Variants in MAPK8 observed in about 807,000 individuals in gnomAD.
The protein encoded by MAPK8 is JUN N-terminal kinase.
In MAPK8, 13 loss-of-function variants were observed where a neutral mutation model predicts 52.9. That is an observed-to-expected ratio of 0.25 (90% CI 0.16 to 0.39). MAPK8 has a LOEUF of 0.39. Ranked by LOEUF, MAPK8 falls within the 10% of genes least tolerant of loss-of-function variation. The pLI is 1.00. For synonymous variants in MAPK8, 191 were observed against 169.8 expected (o/e 1.12, Z -0.97); for missense variants, 300 against 519.2 (o/e 0.58, Z 4.10).
In MAPK8 at chr10:48,382,902, A is replaced by ATG. The variant is rs1383221343; in HGVS notation, c.-49-18706_-49-18705dup. On this transcript the variant is annotated intron_variant, in intron 1 of 11. Coordinates refer to ENST00000374189, the MANE Select transcript of MAPK8 (RefSeq NM_001323329.2). ...GCTAGCTATGTGTATATATATAGCT[A>ATG]TGTGTATATATATATATGTATATAT... Among the ~76,000 whole-genome samples, 208 of 137,448 alleles carry ATG rather than the reference A, an allele frequency of 1.5e-3. 2 individuals are homozygous for ATG. Among genetic ancestry groups the ATG allele is most frequent in the African/African-American group, 3.9e-3 (149 of 38,106 alleles). The allele number at this position is 137,448 out of a possible 152,430, so 90.2% of individuals were successfully genotyped here.
intron 5 of MAPK8, among the ~76,000 whole-genome samples, chr10:48,415,940 G>A (rs1005347750): frequency 1.3e-5 from 2 of 152,202 alleles, no homozygotes; most frequent in African/African-American, 4.8e-5. Context: ...GAGCTAATGA[G>A]ATCTACTGGG....
At chr10:48,307,585 A>G (rs1841518077) in intron 1 of MAPK8, among the ~76,000 whole-genome samples, 1 of 152,298 alleles carries the variant, frequency 6.6e-6, no homozygotes, top group South Asian at 2.1e-4. Context: ...AGTCCATTTT[A>G]AAGTACCCTG....
intron 1 of MAPK8, among the ~76,000 whole-genome samples, chr10:48,340,505 A>G (rs187130776): frequency 1.3e-5 from 2 of 152,164 alleles, no homozygotes; most frequent in Admixed American, 1.3e-4. Flanking sequence ...GTACCCATGT[A>G]ACAAACCTGC....
At chr10:48,422,445 T>G (rs1738290809) in intron 6 of MAPK8, among the ~76,000 whole-genome samples, 1 of 152,218 alleles carries the variant, frequency 6.6e-6, no homozygotes, top group Non-Finnish European at 1.5e-5. Context: ...GACTAAGCAG[T>G]TAGTTTACAG....
At chr10:48,322,392 T>C (rs1272394715) in intron 1 of MAPK8, among the ~76,000 whole-genome samples, 1 of 152,140 alleles carries the variant, frequency 6.6e-6, no homozygotes, top group Non-Finnish European at 1.5e-5. Context: ...GAAAATTATA[T>C]AGATAATTTA....
In MAPK8 at chr10:48,370,233, A is replaced by C. The variant is rs150279953; in HGVS notation, c.-49-31379A>C. On this transcript the variant is annotated intron_variant, in intron 1 of 11. Coordinates refer to ENST00000374189, the MANE Select transcript of MAPK8 (RefSeq NM_001323329.2). ...TTTTCTCTAGGAAGAGGTTGGGATT[A>C]TTTACAAATAAGGTAAAGTCGAAGA... Among the ~76,000 whole-genome samples, 424 of 152,240 alleles carry C rather than the reference A, an allele frequency of 2.8e-3. 1 individual carries two copies. The highest frequency in any genetic ancestry group is 9.4e-3 in the African/African-American group (390 of 41,534).
chr10:48,403,910 G>A (rs948246073), intron 2 of MAPK8, among the ~76,000 whole-genome samples: 9 of 107,674 alleles, frequency 8.4e-5, no homozygotes, highest in African/African-American at 3.2e-4. Context: ...CACCACGCCC[G>A]GCTAATTTGT....
chr10:48,414,295 G>A (rs968314109), intron 5 of MAPK8, among the ~76,000 whole-genome samples: 2 of 151,932 alleles, frequency 1.3e-5, no homozygotes, highest in African/African-American at 4.8e-5. Context: ...TAGATATATT[G>A]TTTATCCATT....
chr10:48,395,738 C>T (rs552881847), intron 1 of MAPK8, among the ~76,000 whole-genome samples: 2 of 152,000 alleles, frequency 1.3e-5, no homozygotes, highest in South Asian at 2.1e-4. Flanking sequence ...CTAACTAAGA[C>T]GTAACATACA....
intron 1 of MAPK8, among the ~76,000 whole-genome samples, chr10:48,337,150 A>G (rs538543235): frequency 4.6e-5 from 7 of 152,162 alleles, no homozygotes; most frequent in Non-Finnish European, 8.8e-5. Flanking sequence ...TACCCTACCC[A>G]ACAACCACAG....
intron 1 of MAPK8, among the ~76,000 whole-genome samples, chr10:48,393,722 G>C (rs2041746484): frequency 6.6e-6 from 1 of 151,976 alleles, no homozygotes; most frequent in Admixed American, 6.6e-5. Flanking sequence ...ATGCTTAAAT[G>C]CTTATATTAT....
At chr10:48,353,862 A>T (rs895841256) in intron 1 of MAPK8, among the ~76,000 whole-genome samples, 12 of 152,172 alleles carry the variant, frequency 7.9e-5, no homozygotes, top group Non-Finnish European at 1.6e-4. Context: ...GTTGCCAGGG[A>T]TTAGGGATGG....
chr10:48,427,080 C>T lies in MAPK8; in HGVS notation c.997C>T (p.Pro333Ser). Residue 333 changes from proline to serine, a missense_variant and splice_region_variant, in exon 10 of 12, where the codon CCA becomes TCA. Transcript: ENST00000374189. ...VWYDPSEAEA[P>S]PPKIPDKQLD... Reference sequence around the variant, plus strand: ...GTTATTATTGCCTTGTGTTTTTCAGCCACCACCAAAGATCCCTGACAAGCA... The same window carrying T: ...GTTATTATTGCCTTGTGTTTTTCAGTCACCACCAAAGATCCCTGACAAGCA... The T allele has an allele frequency of 6.2e-7, 1 of 1,611,912 alleles. No homozygotes were observed. The highest frequency in any genetic ancestry group is 8.5e-7 in the Non-Finnish European group (1 of 1,178,538).
chr10:48,404,726 A>T (rs1402857043), intron 2 of MAPK8, 126 bp from the exon 3 acceptor site: 2 of 666,420 alleles, frequency 3.0e-6, no homozygotes, highest in African/African-American at 3.6e-5. Context: ...TGAGCGTCAT[A>T]GACTTGGAAG....
chr10:48,432,213 A>C (rs1245913232), intron 11 of MAPK8, among the ~76,000 whole-genome samples: 1 of 152,202 alleles, frequency 6.6e-6, no homozygotes, highest in African/African-American at 2.4e-5. Context: ...ATGCCATTTT[A>C]ATTCCTCAGA....
intron 8 of MAPK8, 82 bp downstream of exon 8, chr10:48,426,152 ATATTCT>A: frequency 8.0e-7 from 1 of 1,248,436 alleles, no homozygotes. Context: ...ATATGTATTC[ATATTCT>A]TATGGGACAT....
rs528886910 is a variant in MAPK8, at chr10:48,325,217, C to T, written c.-50+18396C>T. Among the ~76,000 whole-genome samples the T allele has an allele frequency of 1.4e-3, 217 of 152,294 alleles. 1 individual carries two copies. The highest frequency in any genetic ancestry group is 3.4e-3 in the Middle Eastern group (1 of 294). On this transcript the variant is annotated intron_variant, in intron 1 of 11. Transcript: ENST00000374189. The stretch of plus-strand genomic sequence containing the variant: ...TCTCGAACTCCTGACCTCAAGTGAT[C>T]TGCCCACCTTGGCCTCCCGCCTGTC...
intron 1 of MAPK8, among the ~76,000 whole-genome samples, chr10:48,395,012 T>C (rs118031014): frequency 2.0e-4 from 30 of 152,076 alleles, no homozygotes; most frequent in Non-Finnish European, 2.5e-4. Flanking sequence ...TAGAAATTAT[T>C]ATACAGGCCT....
chr10:48,391,734 C>T (rs573457227), intron 1 of MAPK8, among the ~76,000 whole-genome samples: 2 of 152,268 alleles, frequency 1.3e-5, no homozygotes, highest in South Asian at 4.2e-4. Context: ...GCCCAGTCCC[C>T]TCCCACCGCC....
Sources: allele counts gnomAD v4.1 joint callset (sites outside exome capture counted in the v4.1 genomes callset), GRCh38; gene constraint gnomAD v4.1.1; transcripts MANE v1.5; gene names NCBI Gene and HGNC (gene_info 2026-07-23, HGNC 2026-07-21).